IL10RA: variants seen among roughly 807,000 people sequenced by gnomAD.
The protein encoded by IL10RA is interleukin 10 receptor subunit alpha.
In IL10RA, 18 loss-of-function variants were observed where a neutral mutation model predicts 29.6. The observed-to-expected ratio is 0.61, with a 90% CI of 0.42 to 0.90. IL10RA has a LOEUF of 0.90. Among genes scored for constraint, IL10RA ranks in the 40% least tolerant of loss-of-function variants. The probability of loss-of-function intolerance (pLI) is 0.00; values close to 1 mark genes in which losing one functional copy is unlikely to be tolerated. For missense variants in IL10RA, 634 were observed against 716.6 expected, an observed-to-expected ratio of 0.88 and a Z score of 1.32; for synonymous variants, 292 against 294.1, an observed-to-expected ratio of 0.99 and a Z score of 0.07.
At chr11:117,994,289 A>G in intron 5 of IL10RA, 140 bp downstream of exon 5, 1 of 690,386 alleles carries the variant, frequency 1.4e-6, no homozygotes, top group East Asian at 2.7e-5. Context: ...TTAATAGGAG[A>G]GAGGTCCTAC....
At position 117,989,737 on chromosome 11, in the gene IL10RA, C is replaced by A. The variant is rs556188401; in HGVS notation, c.367+117C>A. On this transcript the variant is annotated intron_variant, in intron 3 of 6. Transcript: ENST00000227752. The surrounding 1 kb of genome is among the most constrained non-coding windows in gnomAD (Gnocchi z 4.5). ...CACCATGTCTGCCAGCCTCCCTGGC[C>A]GGAGAACTAGTTGCCCAAACAGGGC... is the stretch of plus-strand genomic sequence containing the variant. The A allele has an allele frequency of 9.3e-7, 1 of 1,078,510 alleles. No homozygotes were observed. Among genetic ancestry groups the A allele is most frequent in the Non-Finnish European group, 1.4e-6 (1 of 726,618 alleles). 66.8% of individuals were successfully genotyped at this position (1,078,510 alleles called of 1,614,324 possible).
rs1420265790 is a variant in IL10RA, at chr11:118,000,439, C to G, written c.*798C>G. 7 of 454,188 alleles carry G rather than the reference C, an allele frequency of 1.5e-5. No individual in the cohort carries two copies. 28.1% of individuals were successfully genotyped at this position (454,188 alleles called of 1,614,324 possible). On this transcript the variant is annotated 3_prime_UTR_variant, in exon 7 of 7. Coordinates refer to ENST00000227752, the MANE Select transcript of IL10RA (RefSeq NM_001558.4). ...TCACATCCTCACTTTGCTGCCCCAC[C>G]ATCTTGCTGACAACTTCCAGAGAAG...
chr11:117,999,336 G>C lies in IL10RA; in HGVS notation c.1432G>C (p.Gly478Arg). Residue 478 changes from glycine (G) to arginine (R), a missense_variant, in exon 7 of 7, where the codon GGG becomes CGG. By Grantham distance (125) the Gly-to-Arg change is moderately radical. Transcript: ENST00000227752. ...GACAGATGGCCTTGGCCCCAAATTC[G>C]GGAGATGCCTGGTTGATGAGGCAGG... The part of the protein sequence containing the change: ...PLTDGLGPKF[G>R]RCLVDEAGLH... The C allele has an allele frequency of 1.9e-6, 3 of 1,614,224 alleles. No homozygotes were observed. The highest frequency in any genetic ancestry group is 2.5e-6 in the Non-Finnish European group (3 of 1,180,040).
At chr11:117,997,346 G>A (rs2058062971) in intron 6 of IL10RA, among the ~76,000 whole-genome samples, 1 of 152,190 alleles carries the variant, frequency 6.6e-6, no homozygotes, top group East Asian at 1.9e-4. Context: ...TAAGGAGGCA[G>A]GTACTGTCAT....
intron 6 of IL10RA, 146 bp downstream of exon 6, chr11:117,995,856 T>C: frequency 1.2e-6 from 1 of 866,764 alleles, no homozygotes; most frequent in Non-Finnish European, 1.9e-6. Flanking sequence ...GATACCTTCA[T>C]CAAGCGCTGT....
Position 117,999,336 on chromosome 11 carries a change from G to A in IL10RA, c.1432G>A (p.Gly478Arg), listed in dbSNP as rs755271070. Residue 478 changes from glycine to arginine, a missense_variant, in exon 7 of 7, where the codon GGG becomes AGG. Gly to Arg is a moderately radical substitution (Grantham distance 125). Transcript: ENST00000227752. ...PLTDGLGPKF[G>R]RCLVDEAGLH... ...GACAGATGGCCTTGGCCCCAAATTC[G>A]GGAGATGCCTGGTTGATGAGGCAGG... 78 of 1,614,106 alleles carry A rather than the reference G, an allele frequency of 4.8e-5. No individual in the cohort carries two copies. The highest frequency in any genetic ancestry group is 1.3e-4 in the Admixed American group (8 of 60,016).
intron 6 of IL10RA, among the ~76,000 whole-genome samples, chr11:117,997,656 A>G (rs922726857): frequency 1.3e-5 from 2 of 152,256 alleles, no homozygotes; most frequent in African/African-American, 4.8e-5. Flanking sequence ...GAGACAGGGT[A>G]GTAAACAACA....
rs915572059 is a variant in IL10RA, at chr11:117,998,907, T to A, written c.1003T>A (p.Phe335Ile). The A allele has an allele frequency of 6.2e-7, 1 of 1,614,140 alleles. No homozygotes were observed. Among genetic ancestry groups the A allele is most frequent in the East Asian group, 2.2e-5 (1 of 44,876 alleles). ...ATCCCTGCAGACTGAAGAGCCCCAG[T>A]TCCTCCTCCCTGACCCTCACCCCCA... ...KPSLQTEEPQ[F>I]LLPDPHPQAD... The change falls in exon 7 of 7, where the codon TTC becomes ATC. Residue 335 changes from phenylalanine to isoleucine, a missense_variant. Coordinates refer to ENST00000227752, the MANE Select transcript of IL10RA (RefSeq NM_001558.4).
Position 118,000,469 on chromosome 11 carries a change from G to T in IL10RA, c.*828G>T. 2.2e-6 allele frequency: 1 copy of T among 454,290 alleles called. No homozygotes were observed. 28.1% of individuals were successfully genotyped at this position (454,290 alleles called of 1,614,324 possible). A position where few individuals can be genotyped will look rare whatever the true frequency, so the allele number is the denominator to read the frequency against. On this transcript the variant is annotated 3_prime_UTR_variant, in exon 7 of 7. Coordinates refer to ENST00000227752, the MANE Select transcript of IL10RA (RefSeq NM_001558.4). ...TGCTGACAACTTCCAGAGAAGCCAT[G>T]GTTTTTTGTATTGGTCATAACTCAG...
intron 3 of IL10RA, 107 bp from the exon 4 acceptor site, chr11:117,993,134 A>G: frequency 2.0e-6 from 2 of 1,014,000 alleles, no homozygotes; most frequent in East Asian, 2.4e-5. Flanking sequence ...TTTTAGGCCT[A>G]GGTTCTAATT....
chr11:118,000,978 G>T lies in IL10RA; in HGVS notation c.*1337G>T, dbSNP rs775514435. 8.8e-6 allele frequency: 4 copies of T among 454,170 alleles called. No homozygotes were observed. Among genetic ancestry groups the T allele is most frequent in the South Asian group, 6.2e-5 (4 of 64,478 alleles). The allele number at this position is 454,170 out of a possible 1,614,324, so 28.1% of individuals were successfully genotyped here. ...AGTCCACAGGCATGGAAGCTGTGAGGGGACAGGCCTGTGCGTGCCATCCAG... is the reference window on the plus strand; with the variant it reads ...AGTCCACAGGCATGGAAGCTGTGAGTGGACAGGCCTGTGCGTGCCATCCAG... On this transcript the variant is annotated 3_prime_UTR_variant, in exon 7 of 7. Coordinates refer to ENST00000227752, the MANE Select transcript of IL10RA (RefSeq NM_001558.4).
Position 118,001,134 on chromosome 11 carries a change from G to A in IL10RA, c.*1493G>A, listed in dbSNP as rs755852964. The A allele has an allele frequency of 4.4e-6, 2 of 454,152 alleles. No homozygotes were observed. The highest frequency in any genetic ancestry group is 3.1e-5 in the South Asian group (2 of 64,484). The allele number at this position is 454,152 out of a possible 1,614,324, so 28.1% of individuals were successfully genotyped here. A position where few individuals can be genotyped will look rare whatever the true frequency, so the allele number is the denominator to read the frequency against. Reference sequence around the variant, plus strand: ...CAGTCTGGTAACTGAACTCCCTCTGGAGGCAGGCTTGAGGGAGGATTCCTC... The same window carrying A: ...CAGTCTGGTAACTGAACTCCCTCTGAAGGCAGGCTTGAGGGAGGATTCCTC... On this transcript the variant is annotated 3_prime_UTR_variant, in exon 7 of 7. Transcript: ENST00000227752.
Position 118,001,257 on chromosome 11 carries a change from C to T in IL10RA, c.*1616C>T, listed in dbSNP as rs936015056. On this transcript the variant is annotated 3_prime_UTR_variant, in exon 7 of 7. Transcript: ENST00000227752. Reference sequence around the variant, plus strand: ...AGAATTCTGGATATCTCAGGAGCCCCGAAATTCTAGCTCTGACTTTGCTGT... The same window carrying T: ...AGAATTCTGGATATCTCAGGAGCCCTGAAATTCTAGCTCTGACTTTGCTGT... 1.3e-5 allele frequency: 6 copies of T among 453,990 alleles called. No homozygotes were observed. The highest frequency in any genetic ancestry group is 4.0e-5 in the African/African-American group (2 of 49,974). The allele number at this position is 453,990 out of a possible 1,614,324, so 28.1% of individuals were successfully genotyped here. A position where few individuals can be genotyped will look rare whatever the true frequency, so the allele number is the denominator to read the frequency against.
rs1238784742 is a variant in IL10RA at position 117,998,711 on chromosome 11, C to T, written c.811-4C>T. On this transcript the variant is annotated splice_polypyrimidine_tract_variant and splice_region_variant and intron_variant, in intron 6 of 6. Transcript: ENST00000227752. ...CTTCTCTCACTCTGCCCTCTCTTCC[C>T]CAGCTCTTCAAGAAGCCCAGCCCCT... 3 of 1,613,836 alleles carry T rather than the reference C, an allele frequency of 1.9e-6. No individual in the cohort carries two copies. The highest frequency in any genetic ancestry group is 2.5e-6 in the Non-Finnish European group (3 of 1,179,854).
In IL10RA at chr11:118,000,491, T is replaced by C. The variant is rs1039048649; in HGVS notation, c.*850T>C. 1.3e-5 allele frequency: 6 copies of C among 454,158 alleles called. No homozygotes were observed. The highest frequency in any genetic ancestry group is 9.4e-5 in the Admixed American group (4 of 42,566). 28.1% of individuals were successfully genotyped at this position (454,158 alleles called of 1,614,324 possible). ...CATGGTTTTTTGTATTGGTCATAAC[T>C]CAGCCCTTTGGGCGGCCTCTGGGCT... On this transcript the variant is annotated 3_prime_UTR_variant, in exon 7 of 7. Transcript: ENST00000227752.
chr11:118,000,867 G>C lies in IL10RA; in HGVS notation c.*1226G>C, dbSNP rs1371111508. On this transcript the variant is annotated 3_prime_UTR_variant, in exon 7 of 7. Coordinates refer to ENST00000227752, the MANE Select transcript of IL10RA (RefSeq NM_001558.4). ...GAGTCCATGGTGTCATGCCAAGACA[G>C]TATCAGACACAGCCCCAGAAGGGGG... 2.2e-6 allele frequency: 1 copy of C among 454,158 alleles called. No homozygotes were observed. The highest frequency in any genetic ancestry group is 4.4e-6 in the Non-Finnish European group (1 of 226,802). 28.1% of individuals were successfully genotyped at this position (454,158 alleles called of 1,614,324 possible). A position where few individuals can be genotyped will look rare whatever the true frequency, so the allele number is the denominator to read the frequency against.
intron 5 of IL10RA, chr11:117,995,226 G>A: frequency 2.7e-6 from 1 of 366,392 alleles, no homozygotes; most frequent in Non-Finnish European, 5.3e-6. Flanking sequence ...GTCCACAATT[G>A]CACAGCTAGT....
At chr11:118,002,283 G>C (rs1286736852), downstream of IL10RA, 1 of 152,202 alleles carries the variant, frequency 6.6e-6, no homozygotes, top group Non-Finnish European at 1.5e-5. Context: ...AAGGTGACTG[G>C]GGACACCTCA....
chr11:117,991,755 G>GA (rs1035059399), intron 3 of IL10RA, among the ~76,000 whole-genome samples: 3 of 151,874 alleles, frequency 2.0e-5, no homozygotes, highest in African/African-American at 7.3e-5. Context: ...TTCAATTTGA[G>GA]ACAAAGTCTT....
Sources: gnomAD v4.1 joint callset for allele counts (sites outside exome capture counted in the v4.1 genomes callset) on GRCh38, gnomAD v4.1.1 for gene constraint, Gnocchi (gnomAD v3.1) non-coding constraint, MANE v1.5 for transcripts, NCBI Gene and HGNC (gene_info 2026-07-23, HGNC 2026-07-21) for gene names.